Variants in CRYBG2 observed in about 807,000 individuals in gnomAD.
The protein encoded by CRYBG2 is crystallin beta-gamma domain containing 2, also known as beta/gamma crystallin domain-containing protein 2.
Under a neutral mutation model 153.4 loss-of-function variants are expected in CRYBG2, and 106 were observed. The observed-to-expected ratio is 0.69, with a 90% CI of 0.59 to 0.81. CRYBG2 has a LOEUF of 0.81. CRYBG2 is among the 30% of genes least tolerant of loss of function. CRYBG2 has a pLI of 0.00. For missense variants in CRYBG2, 1,996 were observed against 2,112.0 expected (o/e 0.95, Z 1.08); for synonymous variants, 851 against 877.8 (o/e 0.97, Z 0.54).
intron 17 of CRYBG2, among the ~76,000 whole-genome samples, chr1:26,327,234 C>T (rs2073935737): frequency 6.6e-6 from 1 of 151,930 alleles, no homozygotes; most frequent in African/African-American, 2.4e-5. Context: ...TCTGGGAGGC[C>T]GAAGTGGGCA....
intron 16 of CRYBG2, 92 bp from the exon 17 acceptor site, chr1:26,328,424 C>A: frequency 6.7e-7 from 1 of 1,489,326 alleles, no homozygotes; most frequent in South Asian, 1.3e-5. Context: ...TCAAAACGTT[C>A]TCCACCTCCT....
Position 26,346,709 on chromosome 1 carries a change from C to A in CRYBG2, c.-52G>T. 6.8e-7 allele frequency: 1 copy of A among 1,464,958 alleles called. No individual in the cohort carries two copies. Among genetic ancestry groups the A allele is most frequent in the Non-Finnish European group, 9.0e-7 (1 of 1,105,722 alleles). 90.7% of individuals were successfully genotyped at this position (1,464,958 alleles called of 1,614,324 possible). A position where few individuals can be genotyped will look rare whatever the true frequency, so the allele number is the denominator to read the frequency against. On this transcript the variant is annotated 5_prime_UTR_variant, in exon 2 of 20. Transcript: ENST00000308182. The surrounding 1 kb of genome is among the most constrained non-coding windows in gnomAD (Gnocchi z 4.9). Reference sequence around the variant, plus strand: ...GTGTCCTTGTCCCACTGTGGTCCAGCTCCCTGCAGAGGAATAAGAAAGATG... The same window carrying A: ...GTGTCCTTGTCCCACTGTGGTCCAGATCCCTGCAGAGGAATAAGAAAGATG...
At chr1:26,328,392 G>A in intron 16 of CRYBG2, 60 bp from the exon 17 acceptor site, 3 of 1,539,108 alleles carry the variant, frequency 1.9e-6, no homozygotes, top group Non-Finnish European at 2.6e-6. Context: ...CAGACAGACA[G>A]GTGGAGGAGG....
At chr1:26,353,964 C>G in intron 1 of CRYBG2, 72 bp downstream of exon 1, 1 of 399,184 alleles carries the variant, frequency 2.5e-6, no homozygotes, top group South Asian at 1.3e-4. Context: ...TGGAGAGGCC[C>G]AGGGAATAGG....
Position 26,344,436 on chromosome 1 carries a change from T to G in CRYBG2, c.2222A>C (p.Asp741Ala), listed in dbSNP as rs771902994. ...EASTESQLVS[D>A]PTEGKTCTET... ...TGTGCACGTCTTGCCCTCGGTGGGA[T>G]CAGAGACAAGCTGGGACTCCGTGCT... The change falls in exon 2 of 20, where the codon GAT (aspartate) becomes GCT (alanine). Residue 741 changes from aspartate to alanine, a missense_variant. By Grantham distance (126) the Asp-to-Ala change is moderately radical. Transcript: ENST00000308182. The G allele has an allele frequency of 1.3e-6, 2 of 1,525,294 alleles. No homozygotes were observed. The highest frequency in any genetic ancestry group is 1.8e-6 in the Non-Finnish European group (2 of 1,133,142). 94.5% of individuals were successfully genotyped at this position (1,525,294 alleles called of 1,614,324 possible). A position where few individuals can be genotyped will look rare whatever the true frequency, so the allele number is the denominator to read the frequency against.
chr1:26,344,287 A>G lies in CRYBG2; in HGVS notation c.2371T>C (p.Ser791Pro). The stretch of plus-strand genomic sequence containing the variant: ...GTGGCGTACATGGACAGGTAGGAGG[A>G]GCGAGGGGCTCGTGGCAGCCGGTGA... ...RTHRLPRAPRSSYLSMYATLP... is the reference protein window; with the variant it reads ...RTHRLPRAPRPSYLSMYATLP... Residue 791 changes from serine (S) to proline (P), a missense_variant, in exon 2 of 20, where the codon TCC becomes CCC. Transcript: ENST00000308182. 2 of 1,517,706 alleles carry G rather than the reference A, an allele frequency of 1.3e-6. No individual in the cohort carries two copies. The highest frequency in any genetic ancestry group is 8.8e-7 in the Non-Finnish European group (1 of 1,135,164). 94.0% of individuals were successfully genotyped at this position (1,517,706 alleles called of 1,614,324 possible).
intron 17 of CRYBG2, among the ~76,000 whole-genome samples, chr1:26,327,481 CAAA>C (rs67397717): frequency 1.4e-4 from 21 of 148,644 alleles, no homozygotes; most frequent in East Asian, 1.0e-3. Context: ...AAACAAAAAA[CAAA>C]AAAAAAAACC....
At chr1:26,324,641 C>G (rs7544018) in intron 17 of CRYBG2, 24,249 of 198,890 alleles carry the variant, frequency 0.12, 1,650 homozygotes, top group South Asian at 0.19. Context: ...GACACAAACA[C>G]ATGGATACAT....
At chr1:26,347,120 G>A (rs554788789) in intron 1 of CRYBG2, among the ~76,000 whole-genome samples, 37 of 152,238 alleles carry the variant, frequency 2.4e-4, no homozygotes, top group African/African-American at 8.2e-4. Context: ...GGCAAGCGTT[G>A]TTCTAACTCT....
rs750674312 is a variant in CRYBG2 at position 26,346,395 on chromosome 1, T to C, written c.263A>G (p.Lys88Arg). The C allele has an allele frequency of 1.3e-6, 2 of 1,599,808 alleles. No individual in the cohort carries two copies. Among genetic ancestry groups the C allele is most frequent in the South Asian group, 1.1e-5 (1 of 91,040 alleles). ...GATGGGTCCATGGCTCTGGAAGTTC[T>C]TGGAGCCAGCTGTATCCCGAGGGCC... Reference protein sequence around the residue: ...CQGPRDTAGSKNFQSHGPIFS... With the variant: ...CQGPRDTAGSRNFQSHGPIFS... Residue 88 changes from lysine to arginine, a missense_variant, in exon 2 of 20, where the codon AAG (lysine) becomes AGG (arginine). Transcript: ENST00000308182. This position sits in a 1 kb window ranked among gnomAD's most constrained non-coding sequence, Gnocchi z 4.9.
rs1288780984 is a variant in CRYBG2 at position 26,336,986 on chromosome 1, T to A, written c.3772-6A>T. 3 of 1,612,894 alleles carry A rather than the reference T, an allele frequency of 1.9e-6. No individual in the cohort carries two copies. On this transcript the variant is annotated splice_polypyrimidine_tract_variant and splice_region_variant and intron_variant, in intron 10 of 19. Transcript: ENST00000308182. This position sits in a 1 kb window ranked among gnomAD's most constrained non-coding sequence, Gnocchi z 4.9. ...ACGGCCGGGTCCCCGAAGTCCTGGG[T>A]CCCCAGGGACAGTCAGGTCTCTCCC...
chr1:26,353,671 T>C (rs1490248182), intron 1 of CRYBG2, among the ~76,000 whole-genome samples: 1 of 152,170 alleles, frequency 6.6e-6, no homozygotes, highest in Admixed American at 6.5e-5. Context: ...GTTAAGCAAC[T>C]CGCCTCAGGA....
chr1:26,352,775 A>C (rs1177589959), intron 1 of CRYBG2, among the ~76,000 whole-genome samples: 2 of 119,964 alleles, frequency 1.7e-5, no homozygotes, highest in Non-Finnish European at 3.4e-5. Flanking sequence ...CCCCTCTCCA[A>C]GGTAGCCTCC....
chr1:26,326,234 C>T (rs2073925155), intron 17 of CRYBG2, among the ~76,000 whole-genome samples: 2 of 152,016 alleles, frequency 1.3e-5, no homozygotes, highest in South Asian at 4.2e-4. Flanking sequence ...GTATTTATTA[C>T]ATCTATTAAG....
At chr1:26,335,278 A>ACCAGCCTAAT (rs2074041289) in intron 14 of CRYBG2, among the ~76,000 whole-genome samples, 1 of 150,958 alleles carries the variant, frequency 6.6e-6, no homozygotes, top group African/African-American at 2.4e-5. Context: ...GGAATTCAAC[A>ACCAGCCTAAT]CCAGCCTAAT....
rs185676751 is a variant in CRYBG2 at position 26,324,138 on chromosome 1, C to T, written c.4737+14G>A. 3 of 1,610,480 alleles carry T rather than the reference C, an allele frequency of 1.9e-6. No individual in the cohort carries two copies. Among genetic ancestry groups the T allele is most frequent in the Non-Finnish European group, 2.5e-6 (3 of 1,177,954 alleles). On this transcript the variant is annotated intron_variant, in intron 18 of 19. Coordinates refer to ENST00000308182, the MANE Select transcript of CRYBG2 (RefSeq NM_001039775.4). ...AGGGCCAGGGTGTCCCTGTGCCAGC[C>T]CCTGTATCAGTACCTGGTTCTTCAG...
chr1:26,324,500 TCTCTCACA>T (rs746427660), intron 17 of CRYBG2, among the ~76,000 whole-genome samples, 190 bp from the exon 18 acceptor site: 1 of 64,658 alleles, frequency 1.5e-5, no homozygotes, highest in Non-Finnish European at 4.0e-5. Context: ...TATCTCTCTC[TCTCTCACA>T]CACACACACA....
rs373177205 is a variant in CRYBG2 at position 26,345,777 on chromosome 1, G to C, written c.881C>G (p.Thr294Arg). The change falls in exon 2 of 20, where the codon ACA (threonine) becomes AGA (arginine). Residue 294 changes from threonine to arginine, a missense_variant. Thr to Arg is a moderately conservative substitution (Grantham distance 71, BLOSUM62 -1). Transcript: ENST00000308182. The part of the protein sequence containing the change: ...ELKDSSALAS[T>R]GIPASAHLPK... ...CAGGTGAGCACTGGCTGGGATGCCT[G>C]TAGAGGCCAGGGCAGAGCTGTCTTT... 10 of 1,596,944 alleles carry C rather than the reference G, an allele frequency of 6.3e-6. No homozygotes were observed. The highest frequency in any genetic ancestry group is 7.6e-6 in the Non-Finnish European group (9 of 1,179,188).
Position 26,336,294 on chromosome 1 carries a change from G to C in CRYBG2, c.4071+44C>G, listed in dbSNP as rs752320496. 1.2e-6 allele frequency: 2 copies of C among 1,611,330 alleles called. No homozygotes were observed. The highest frequency in any genetic ancestry group is 8.5e-7 in the Non-Finnish European group (1 of 1,178,542). The stretch of plus-strand genomic sequence containing the variant: ...GGAGGGGAAAGGTCCGAAATGAGGG[G>C]AGAGACGTGAGCCCAGCGGCTCCCT... On this transcript the variant is annotated intron_variant, in intron 13 of 19. Transcript: ENST00000308182. This position sits in a 1 kb window ranked among gnomAD's most constrained non-coding sequence, Gnocchi z 4.9.
Sources: allele counts gnomAD v4.1 joint callset (sites outside exome capture counted in the v4.1 genomes callset), GRCh38; gene constraint gnomAD v4.1.1; non-coding constraint Gnocchi (gnomAD v3.1); transcripts MANE v1.5; gene names NCBI Gene and HGNC (gene_info 2026-07-23, HGNC 2026-07-21).